The following MACF1 variants were observed in gnomAD, a reference collection of about 807,000 sequenced individuals.
MACF1 encodes the protein microtubule-actin cross-linking factor 1.
In MACF1, 193 loss-of-function variants were observed where a neutral mutation model predicts 854.8. The observed-to-expected ratio is 0.23, with a 90% CI of 0.20 to 0.25. The LOEUF is 0.25. Among genes scored for constraint, MACF1 ranks in the 10% least tolerant of loss-of-function variants. The probability of loss-of-function intolerance (pLI) is 1.00; values close to 1 mark genes in which losing one functional copy is unlikely to be tolerated. For missense variants in MACF1, 7,722 were observed against 8,929.1 expected, an observed-to-expected ratio of 0.86 and a Z score of 5.45; for synonymous variants, 3,185 against 3,226.7, an observed-to-expected ratio of 0.99 and a Z score of 0.44.
intron 58 of MACF1, among the ~76,000 whole-genome samples, chr1:39,408,417 G>C (rs546305050): frequency 1.1e-4 from 16 of 152,314 alleles, no homozygotes; most frequent in Admixed American, 9.2e-4. Flanking sequence ...GGTCCGGCAA[G>C]GGGCGCGCTA....
intron 19 of MACF1, 84 bp downstream of exon 19, chr1:39,295,234 G>A: frequency 1.8e-6 from 2 of 1,125,530 alleles, no homozygotes; most frequent in Middle Eastern, 2.0e-4. Flanking sequence ...TTGTTCCACT[G>A]AAAGACTTGG....
chr1:39,424,043 C>T lies in MACF1; in HGVS notation c.16165C>T (p.Leu5389=), dbSNP rs1462843013. 1 of 1,611,396 alleles carries T rather than the reference C, an allele frequency of 6.2e-7. No homozygotes were observed. Among genetic ancestry groups the T allele is most frequent in the South Asian group, 1.1e-5 (1 of 90,894 alleles). The change falls in exon 61 of 101, where the codon CTA becomes TTA. Residue 5389 remains leucine (L), a synonymous_variant. Transcript: ENST00000564288. ...IQEQKLLQRL[L]DDRKATVDML... ...TTTATAATAGTTGCTCCAGCGGCTC[C>T]TAGATGATCGAAAGGCCACAGTAGA...
chr1:39,366,432 C>G (rs1290158740), intron 49 of MACF1, among the ~76,000 whole-genome samples: 1 of 151,908 alleles, frequency 6.6e-6, no homozygotes, highest in East Asian at 1.9e-4. Context: ...CTCCTGGGCT[C>G]AAGTGATTCC....
intron 60 of MACF1, among the ~76,000 whole-genome samples, chr1:39,423,114 T>C (rs1350935100): frequency 1.3e-5 from 2 of 152,268 alleles, no homozygotes; most frequent in Non-Finnish European, 2.9e-5. Context: ...TACCTGTTCA[T>C]GTATCCTATT....
chr1:39,339,308 A>G (rs1032340914), intron 38 of MACF1, among the ~76,000 whole-genome samples: 4 of 152,192 alleles, frequency 2.6e-5, no homozygotes, highest in Non-Finnish European at 4.4e-5. Context: ...AGGACCAACA[A>G]AGAAACAACA....
intron 97 of MACF1, among the ~76,000 whole-genome samples, chr1:39,476,865 G>A (rs898534837): frequency 6.6e-6 from 1 of 151,330 alleles, no homozygotes; most frequent in Admixed American, 6.6e-5. Context: ...GCTGAGGCGG[G>A]TGGATCACCT....
Position 39,293,533 on chromosome 1 carries a change from T to C in MACF1, c.2068T>C (p.Trp690Arg). 1.2e-6 allele frequency: 2 copies of C among 1,614,074 alleles called. No homozygotes were observed. The highest frequency in any genetic ancestry group is 1.7e-6 in the Non-Finnish European group (2 of 1,179,962). ...FVSRATAELI[W>R]LNEKEEEELA... ...TTCCAGAGCTACAGCTGAGTTGATC[T>C]GGTTGAATGAGAAGGAGGAGGAGGA... The change falls in exon 18 of 101, where the codon TGG (tryptophan) becomes CGG (arginine). Residue 690 changes from tryptophan (W) to arginine (R), a missense_variant. Coordinates refer to ENST00000564288, the MANE Select transcript of MACF1 (RefSeq NM_001394062.1).
intron 2 of MACF1, among the ~76,000 whole-genome samples, chr1:39,184,940 T>G (rs1644147508): frequency 6.6e-6 from 1 of 152,180 alleles, no homozygotes; most frequent in African/African-American, 2.4e-5. Context: ...AAAAAGGGAC[T>G]TTTAGGCTGC....
At chr1:39,220,515 C>T (rs755357176) in intron 1 of MACF1, among the ~76,000 whole-genome samples, 5 of 125,134 alleles carry the variant, frequency 4.0e-5, no homozygotes, top group African/African-American at 5.9e-5. Flanking sequence ...CAGAATCTTA[C>T]TCTGCCACCC....
At chr1:39,252,836 TGA>T (rs1645056478) in intron 4 of MACF1, among the ~76,000 whole-genome samples, 1 of 152,204 alleles carries the variant, frequency 6.6e-6, no homozygotes, top group South Asian at 2.1e-4. Flanking sequence ...GACATCTCTG[TGA>T]ACAGATTCTC....
At chr1:39,304,626 C>T in intron 23 of MACF1, 1 of 546,470 alleles carries the variant, frequency 1.8e-6, no homozygotes. Context: ...TGCAGTGGCA[C>T]TATTTCAGCT....
intron 16 of MACF1, 69 bp downstream of exon 16, chr1:39,292,107 A>T: frequency 6.4e-7 from 1 of 1,555,572 alleles, no homozygotes; most frequent in Non-Finnish European, 8.7e-7. Flanking sequence ...CAGTACACAC[A>T]ATAAAGCTGT....
intron 97 of MACF1, among the ~76,000 whole-genome samples, chr1:39,473,253 C>G (rs1338624068): frequency 3.3e-5 from 5 of 152,186 alleles, no homozygotes; most frequent in African/African-American, 1.2e-4. Flanking sequence ...TACAATGTAC[C>G]TACCTCATGG....
At chr1:39,455,609 G>A (rs1473044132) in intron 89 of MACF1, among the ~76,000 whole-genome samples, 6 of 152,124 alleles carry the variant, frequency 3.9e-5, no homozygotes, top group Non-Finnish European at 5.9e-5. Flanking sequence ...CAAGGGAGGG[G>A]GATTACATAG....
chr1:39,240,064 CTCTATT>C (rs1221480792), intron 2 of MACF1, among the ~76,000 whole-genome samples: 5 of 151,958 alleles, frequency 3.3e-5, no homozygotes, highest in African/African-American at 1.2e-4. Flanking sequence ...CTTACACTTT[CTCTATT>C]TCTGTTTGAG....
intron 2 of MACF1, among the ~76,000 whole-genome samples, chr1:39,133,862 A>C (rs914878019): frequency 1.3e-5 from 2 of 152,140 alleles, no homozygotes; most frequent in African/African-American, 4.8e-5. Flanking sequence ...ACCTTGAAGA[A>C]GTCCAGAAAA....
Position 39,332,096 on chromosome 1 carries a change from G to A in MACF1, c.5508G>A (p.Lys1836=). ...EAVSNDLVAA[K]IALVILESLW... is the part of the protein sequence containing the mutation. ...TGAGCAATGATCTAGTAGCTGCTAAGATCGCCCTTGTGATTCTGGAGTCCC... is the reference window on the plus strand; with the variant it reads ...TGAGCAATGATCTAGTAGCTGCTAAAATCGCCCTTGTGATTCTGGAGTCCC... The change falls in exon 37 of 101, where the codon AAG becomes AAA. Residue 1836 remains lysine (K), a synonymous_variant. Transcript: ENST00000564288. 6.2e-7 allele frequency: 1 copy of A among 1,614,154 alleles called. No homozygotes were observed. Among genetic ancestry groups the A allele is most frequent in the Non-Finnish European group, 8.5e-7 (1 of 1,180,024 alleles).
At chr1:39,252,372 C>T (rs1377579860) in intron 4 of MACF1, among the ~76,000 whole-genome samples, 1 of 152,140 alleles carries the variant, frequency 6.6e-6, no homozygotes, top group East Asian at 1.9e-4. Context: ...AGGTTATCAT[C>T]ATACACCCCG....
chr1:39,385,685 G>A lies in MACF1; in HGVS notation c.14100G>A (p.Arg4700=), dbSNP rs145717007. ...TCCAGGACTTATCAGAGAAGGTGAG[G>A]GCAGTTGGACAACGGCTGAGTGTCC... ...ELLQDLSEKV[R]AVGQRLSVQS... The change falls in exon 57 of 101, where the codon AGG becomes AGA. Residue 4700 remains arginine (R), a synonymous_variant. Coordinates refer to ENST00000564288, the MANE Select transcript of MACF1 (RefSeq NM_001394062.1). 3 of 1,614,042 alleles carry A rather than the reference G, an allele frequency of 1.9e-6. No individual in the cohort carries two copies. The highest frequency in any genetic ancestry group is 2.2e-5 in the East Asian group (1 of 44,892).
Sources: gnomAD v4.1 joint callset for allele counts (sites outside exome capture counted in the v4.1 genomes callset) on GRCh38, gnomAD v4.1.1 for gene constraint, MANE v1.5 for transcripts, NCBI Gene and HGNC (gene_info 2026-07-23, HGNC 2026-07-21) for gene names.